Variants in PPP6R3 observed in about 807,000 individuals in gnomAD.
PPP6R3 encodes the protein protein phosphatase 6 regulatory subunit 3, also known as serine/threonine-protein phosphatase 6 regulatory subunit 3.
Under a neutral mutation model 110.7 loss-of-function variants are expected in PPP6R3, and 38 were observed. The ratio of observed to expected loss-of-function variants is 0.34; its 90% confidence interval spans 0.26 to 0.45. The LOEUF is 0.45. PPP6R3 is among the 20% of genes least tolerant of loss of function. The probability of loss-of-function intolerance (pLI) is 1.00; values close to 1 mark genes in which losing one functional copy is unlikely to be tolerated. For synonymous variants in PPP6R3, 369 were observed against 373.5 expected, an observed-to-expected ratio of 0.99 and a Z score of 0.14; for missense variants, 870 against 1,062.4, an observed-to-expected ratio of 0.82 and a Z score of 2.52.
In PPP6R3 at chr11:68,601,979, G is replaced by T. The variant is rs757875167; in HGVS notation, c.2299+10G>T. On this transcript the variant is annotated intron_variant, in intron 21 of 23. Transcript: ENST00000393800. The stretch of plus-strand genomic sequence containing the variant: ...GCAGTGCAGCCAGAAGGTGCGTGCA[G>T]AGAGGCCTGGGTACACGCCAGGGTC... 6.2e-7 allele frequency: 1 copy of T among 1,601,992 alleles called. No individual in the cohort carries two copies. The highest frequency in any genetic ancestry group is 8.5e-7 in the Non-Finnish European group (1 of 1,172,062).
intron 13 of PPP6R3, among the ~76,000 whole-genome samples, chr11:68,574,745 A>G (rs1171889676): frequency 6.6e-6 from 1 of 152,198 alleles, no homozygotes; most frequent in Non-Finnish European, 1.5e-5. Flanking sequence ...TAATCAGCCC[A>G]AGCTTATTTG....
chr11:68,539,544 T>C (rs1276653323), intron 3 of PPP6R3, among the ~76,000 whole-genome samples: 3 of 152,234 alleles, frequency 2.0e-5, no homozygotes, highest in Non-Finnish European at 2.9e-5. Flanking sequence ...GGCAGTACTC[T>C]GCCATGCTTC....
At chr11:68,597,338 C>G (rs550709811) in intron 19 of PPP6R3, among the ~76,000 whole-genome samples, 11 of 152,272 alleles carry the variant, frequency 7.2e-5, no homozygotes, top group African/African-American at 2.6e-4. Flanking sequence ...ATGCCCAGAA[C>G]GTGCTGTTTT....
Position 68,613,336 on chromosome 11 carries a change from G to T in PPP6R3, c.*219G>T. On this transcript the variant is annotated 3_prime_UTR_variant, in exon 24 of 24. Coordinates refer to ENST00000393800, the MANE Select transcript of PPP6R3 (RefSeq NM_001164161.2). ...ACAAATACCAAGAATTTTTGCGTAT[G>T]TTTATATTGTATTGTTCTAAATAAT... The T allele has an allele frequency of 1.5e-6, 2 of 1,331,204 alleles. No homozygotes were observed. The highest frequency in any genetic ancestry group is 1.5e-5 in the African/African-American group (1 of 66,798). 82.5% of individuals were successfully genotyped at this position (1,331,204 alleles called of 1,614,324 possible). A position where few individuals can be genotyped will look rare whatever the true frequency, so the allele number is the denominator to read the frequency against.
rs766998683 is a variant in PPP6R3 at position 68,548,080 on chromosome 11, TAAA to T, written c.429_431del (p.Lys146del). On this transcript the variant is annotated inframe_deletion, in exon 5 of 24. Transcript: ENST00000393800. The stretch of plus-strand genomic sequence containing the variant: ...GTTCTTCTCTAGATTGTGGATTTCT[TAAA>T]GAAGAAGCATGATTTTGTAGACCTT... The T allele has an allele frequency of 4.8e-5, 78 of 1,613,508 alleles. No individual in the cohort carries two copies. The South Asian group carries it at 7.8e-4, about 16-fold the overall frequency.
intron 1 of PPP6R3, among the ~76,000 whole-genome samples, chr11:68,506,445 A>AAAAG (rs1565481098): frequency 6.9e-6 from 1 of 145,622 alleles, no homozygotes; most frequent in African/African-American, 2.5e-5. Context: ...AAAAAAAAAA[A>AAAAG]AAATTCCTAA....
chr11:68,482,847 TATATAA>T (rs1263289455), intron 1 of PPP6R3, among the ~76,000 whole-genome samples: 1 of 152,178 alleles, frequency 6.6e-6, no homozygotes, highest in Non-Finnish European at 1.5e-5. Flanking sequence ...ATGTGTGTTT[TATATAA>T]ATATAATAGC....
At chr11:68,506,573 T>C (rs2099079179) in intron 1 of PPP6R3, among the ~76,000 whole-genome samples, 2 of 152,140 alleles carry the variant, frequency 1.3e-5, no homozygotes, top group African/African-American at 4.8e-5. Flanking sequence ...CAAACACTTT[T>C]TTGTGGGAAG....
At chr11:68,584,260 G>A (rs1250037646) in intron 15 of PPP6R3, among the ~76,000 whole-genome samples, 1 of 152,166 alleles carries the variant, frequency 6.6e-6, no homozygotes, top group Non-Finnish European at 1.5e-5. Context: ...TGCACGGGCC[G>A]TGGCGGTGGC....
intron 8 of PPP6R3, among the ~76,000 whole-genome samples, chr11:68,561,463 C>T (rs1240981149): frequency 6.6e-6 from 1 of 151,906 alleles, no homozygotes; most frequent in African/African-American, 2.4e-5. Flanking sequence ...TACAGAGGGC[C>T]GACTGCAAGT....
rs1944559398 is a variant in PPP6R3, at chr11:68,613,703, C to A, written c.*586C>A. 1.0e-6 allele frequency: 1 copy of A among 982,500 alleles called. No individual in the cohort carries two copies. Among genetic ancestry groups the A allele is most frequent in the African/African-American group, 1.8e-5 (1 of 57,136 alleles). The allele number at this position is 982,500 out of a possible 1,614,324, so 60.9% of individuals were successfully genotyped here. A position where few individuals can be genotyped will look rare whatever the true frequency, so the allele number is the denominator to read the frequency against. ...CCAGTTTTTGATTGGTAATTGTTTT[C>A]TGTATTGTTTAAAACGGATCAAAAA... On this transcript the variant is annotated 3_prime_UTR_variant, in exon 24 of 24. Transcript: ENST00000393800.
chr11:68,558,679 C>G lies in PPP6R3; in HGVS notation c.845C>G (p.Thr282Arg). ...LLTLLETRRP[T>R]FEGHIEICPP... ...ACTTTACTTGAGACACGACGACCAA[C>G]GTAAGCTTTTCTTATATCTTACAAA... The change falls in exon 8 of 24, where the codon ACA becomes AGA. Residue 282 changes from threonine to arginine, a missense_variant and splice_region_variant. By Grantham distance (71) the Thr-to-Arg change is moderately conservative. Transcript: ENST00000393800. 6.3e-7 allele frequency: 1 copy of G among 1,597,454 alleles called. No homozygotes were observed. The highest frequency in any genetic ancestry group is 8.6e-7 in the Non-Finnish European group (1 of 1,167,482).
intron 1 of PPP6R3, among the ~76,000 whole-genome samples, chr11:68,466,086 A>G (rs2098743140): frequency 6.6e-6 from 1 of 152,186 alleles, no homozygotes; most frequent in South Asian, 2.1e-4. Flanking sequence ...AGGTTTTTGC[A>G]AAATGTTTCC....
intron 2 of PPP6R3, among the ~76,000 whole-genome samples, chr11:68,528,498 T>A (rs1342747367): frequency 6.6e-6 from 1 of 151,536 alleles, no homozygotes; most frequent in African/African-American, 2.4e-5. Context: ...AGCTACTGCG[T>A]GAACTTTCTG....
chr11:68,585,836 C>CATGT (rs1024981642), intron 15 of PPP6R3, among the ~76,000 whole-genome samples: 1 of 152,128 alleles, frequency 6.6e-6, no homozygotes, highest in African/African-American at 2.4e-5. Flanking sequence ...TCTGTATGTA[C>CATGT]ATGTATGTAT....
intron 18 of PPP6R3, among the ~76,000 whole-genome samples, chr11:68,595,200 A>ATTTTTTT (rs71043443): frequency 8.4e-4 from 68 of 81,168 alleles, no homozygotes; most frequent in African/African-American, 2.1e-3. Context: ...CATAAAAATA[A>ATTTTTTT]TTTTTTTTTT....
chr11:68,504,614 G>A (rs2099065892), intron 1 of PPP6R3, among the ~76,000 whole-genome samples: 1 of 152,150 alleles, frequency 6.6e-6, no homozygotes, highest in Non-Finnish European at 1.5e-5. Flanking sequence ...CGTTTTACTT[G>A]GTTTGGCTCA....
At chr11:68,525,286 C>T (rs1426714389) in intron 2 of PPP6R3, among the ~76,000 whole-genome samples, 1 of 152,172 alleles carries the variant, frequency 6.6e-6, no homozygotes, top group Admixed American at 6.5e-5. Context: ...TAATTGGTAG[C>T]TGCTGTTAAA....
chr11:68,567,428 C>T (rs943897769), intron 10 of PPP6R3, among the ~76,000 whole-genome samples: 3 of 152,206 alleles, frequency 2.0e-5, no homozygotes, highest in South Asian at 2.1e-4. Flanking sequence ...GCTTTTCCCT[C>T]GTGCTCCGTC....
Sources: allele counts gnomAD v4.1 joint callset (sites outside exome capture counted in the v4.1 genomes callset), GRCh38; gene constraint gnomAD v4.1.1; transcripts MANE v1.5; gene names NCBI Gene and HGNC (gene_info 2026-07-23, HGNC 2026-07-21).